Variants in CYP3A4 observed in about 807,000 individuals in gnomAD.
The protein encoded by CYP3A4 is cytochrome P450 3A4.
Under a neutral mutation model 54.9 loss-of-function variants are expected in CYP3A4, and 41 were observed. The observed-to-expected ratio is 0.75, with a 90% confidence interval of 0.58 to 0.97. The LOEUF is 0.97. Among genes scored for constraint, CYP3A4 ranks in the 50% least tolerant of loss-of-function variants. The pLI, the probability that CYP3A4 is intolerant of heterozygous loss-of-function variation, is 0.00. For missense variants in CYP3A4, 510 were observed against 597.3 expected (o/e 0.85, Z 1.52); for synonymous variants, 179 against 205.2 (o/e 0.87, Z 1.09).
intron 12 of CYP3A4, 88 bp downstream of exon 12, chr7:99,760,731 T>G (rs1815297368): frequency 2.0e-6 from 3 of 1,498,118 alleles, no homozygotes; most frequent in South Asian, 1.2e-5. Context: ...AGTAAAAGAT[T>G]AAACAAGCAT....
At chr7:99,770,809 A>G (rs1446145208) in intron 4 of CYP3A4, among the ~76,000 whole-genome samples, 1 of 152,240 alleles carries the variant, frequency 6.6e-6, no homozygotes, top group Admixed American at 6.5e-5. Flanking sequence ...TTTCATGGAT[A>G]GAAAGAAAAA....
At position 99,761,323 on chromosome 7, in the gene CYP3A4, G is replaced by A. The variant is rs544276401; in HGVS notation, c.1254-342C>T. 1.1e-4 allele frequency among the ~76,000 whole-genome samples: 17 copies of A among 152,268 alleles called. No homozygotes were observed. In the South Asian group the frequency reaches 3.5e-3, roughly 32 times the overall value. ...GATGGGACTGACTGATGGAAAAGTA[G>A]GTTCCTGCCTCAAGTCACACTTACA... On this transcript the variant is annotated intron_variant, in intron 11 of 12. Transcript: ENST00000651514.
Position 99,766,348 on chromosome 7 carries a change from C to G in CYP3A4, c.865+29G>C, listed in dbSNP as rs1392925501. The G allele has an allele frequency of 8.7e-6, 14 of 1,611,378 alleles. No individual in the cohort carries two copies. In the East Asian group the frequency reaches 3.1e-4, roughly 36 times the overall value. ...CAAGGCCTTCCCTCTGAGTGCCCCA[C>G]AAGTAGCCCTCAGAAACACTCTGGT... is the stretch of plus-strand genomic sequence containing the variant. On this transcript the variant is annotated intron_variant, in intron 9 of 12. Transcript: ENST00000651514.
intron 2 of CYP3A4, among the ~76,000 whole-genome samples, chr7:99,778,405 A>G (rs3800957): frequency 6.6e-6 from 1 of 152,172 alleles, no homozygotes; most frequent in East Asian, 1.9e-4. Flanking sequence ...TCCCTGAATG[A>G]TCACCTCCAG....
chr7:99,772,759 G>A (rs1815666839), intron 3 of CYP3A4, 70 bp from the exon 4 acceptor site: 1 of 1,514,558 alleles, frequency 6.6e-7, no homozygotes, highest in South Asian at 1.2e-5. Flanking sequence ...AACCCAGGAA[G>A]CCAGACTTTG....
intron 3 of CYP3A4, among the ~76,000 whole-genome samples, chr7:99,776,226 A>C (rs1397618624): frequency 6.6e-6 from 1 of 152,238 alleles, no homozygotes; most frequent in East Asian, 1.9e-4. Flanking sequence ...AGAAATAGGA[A>C]CACTTTTACA....
chr7:99,765,524 A>ATAGC (rs1387963355), intron 9 of CYP3A4, among the ~76,000 whole-genome samples: 2 of 152,040 alleles, frequency 1.3e-5, no homozygotes, highest in East Asian at 3.8e-4. Context: ...AGATAGATAC[A>ATAGC]TAGATAGATA....
chr7:99,778,000 A>G (rs71583804), intron 3 of CYP3A4, 28 bp downstream of exon 3: 3 of 1,589,092 alleles, frequency 1.9e-6, no homozygotes, highest in Non-Finnish European at 2.6e-6. Context: ...AAACAAGTCT[A>G]TCCAATGGAA....
chr7:99,771,131 G>T (rs1188221240), intron 4 of CYP3A4, among the ~76,000 whole-genome samples: 1 of 146,628 alleles, frequency 6.8e-6, no homozygotes, highest in African/African-American at 2.7e-5. Flanking sequence ...ATAGACAAAA[G>T]AAAAGAAATA....
At position 99,779,977 on chromosome 7, in the gene CYP3A4, C is replaced by T. The variant is rs1055763288; in HGVS notation, c.165+15G>A. 2 of 1,605,762 alleles carry T rather than the reference C, an allele frequency of 1.2e-6. No homozygotes were observed. The highest frequency in any genetic ancestry group is 8.5e-7 in the Non-Finnish European group (1 of 1,172,832). On this transcript the variant is annotated intron_variant, in intron 2 of 12. Coordinates refer to ENST00000651514, the MANE Select transcript of CYP3A4 (RefSeq NM_017460.6). ...CAATCATAAGAAGCAAAAGAGTGAG[C>T]TCAAAAACACTCACCTTATGGTAGG...
intron 8 of CYP3A4, 72 bp from the exon 9 acceptor site, chr7:99,766,515 C>A: frequency 6.3e-7 from 1 of 1,575,828 alleles, no homozygotes; most frequent in Non-Finnish European, 8.7e-7. Flanking sequence ...CAAGCGTGGT[C>A]CTTGATCTCC....
At position 99,757,018 on chromosome 7, in the gene CYP3A4, C is replaced by T. The variant is rs1341209177; in HGVS notation, c.*1115G>A. ...GTTTTTTATTAAGTGTTCATTGCAT[C>T]GAGACAGTTGGGTGTTGAGGATGGA... On this transcript the variant is annotated 3_prime_UTR_variant, in exon 13 of 13. Coordinates refer to ENST00000651514, the MANE Select transcript of CYP3A4 (RefSeq NM_017460.6). 3.9e-5 allele frequency: 6 copies of T among 152,026 alleles called. No individual in the cohort carries two copies. Among genetic ancestry groups the T allele is most frequent in the East Asian group, 1.9e-4 (1 of 5,194 alleles). The allele number at this position is 152,026 out of a possible 1,614,324, so 9.4% of individuals were successfully genotyped here.
chr7:99,760,951 A>T lies in CYP3A4; in HGVS notation c.1284T>A (p.Asp428Glu), dbSNP rs748850354. 6.2e-6 allele frequency: 10 copies of T among 1,613,742 alleles called. No homozygotes were observed. The East Asian group carries it at 2.2e-4, about 36-fold the overall frequency. ...RFSKKNKDNI[D>E]PYIYTPFGSG... ...TTCCAAAGGGTGTGTATATGTAAGG[A>T]TCTATGTTGTCCTTGTTCTTCTTGC... Residue 428 changes from aspartate (D) to glutamate (E), a missense_variant, in exon 12 of 13, where the codon GAT becomes GAA. Coordinates refer to ENST00000651514, the MANE Select transcript of CYP3A4 (RefSeq NM_017460.6).
At chr7:99,767,524 T>C (rs1168573289) in intron 7 of CYP3A4, among the ~76,000 whole-genome samples, 2 of 152,182 alleles carry the variant, frequency 1.3e-5, no homozygotes, top group African/African-American at 4.8e-5. Flanking sequence ...CAAAATTCAA[T>C]GCCCTAATCT....
intron 5 of CYP3A4, 128 bp from the exon 6 acceptor site, chr7:99,769,984 A>C: frequency 6.4e-6 from 10 of 1,561,564 alleles, no homozygotes; most frequent in Non-Finnish European, 7.9e-6. Context: ...TTTTCTGTAC[A>C]TAAAGATAAA....
chr7:99,765,596 A>G (rs1815459020), intron 9 of CYP3A4, among the ~76,000 whole-genome samples: 1 of 152,200 alleles, frequency 6.6e-6, no homozygotes, highest in Non-Finnish European at 1.5e-5. Context: ...ATGCTGGAGT[A>G]AGCCCAGTCC....
chr7:99,757,926 T>C lies in CYP3A4; in HGVS notation c.*207A>G. The C allele has an allele frequency of 1.9e-6, 1 of 522,574 alleles. No homozygotes were observed. The highest frequency in any genetic ancestry group is 3.3e-5 in the East Asian group (1 of 30,142). 32.4% of individuals were successfully genotyped at this position (522,574 alleles called of 1,614,324 possible). A position where few individuals can be genotyped will look rare whatever the true frequency, so the allele number is the denominator to read the frequency against. On this transcript the variant is annotated 3_prime_UTR_variant, in exon 13 of 13. Coordinates refer to ENST00000651514, the MANE Select transcript of CYP3A4 (RefSeq NM_017460.6). ...GCCAAATCTACCTCCTCACACTGAT[T>C]TGGTCACCTCCTTTATATTCCCAAG...
In CYP3A4 at chr7:99,778,045, C is replaced by A. The variant is rs371184172; in HGVS notation, c.201G>T (p.Lys67Asn). Residue 67 changes from lysine to asparagine, a missense_variant, in exon 3 of 13, where the codon AAG (lysine) becomes AAT (asparagine). By Grantham distance (94) the Lys-to-Asn change is moderately conservative. This residue lies in a region of CYP3A4 where 272 missense variants were observed against 274.9 expected (regional missense o/e 0.99). Coordinates refer to ENST00000651514, the MANE Select transcript of CYP3A4 (RefSeq NM_017460.6). ...ATACTCACCCCCACACTTTTCCATACTTTTTATGACATTCCATGTCAAACA... is the reference window on the plus strand; with the variant it reads ...ATACTCACCCCCACACTTTTCCATAATTTTTATGACATTCCATGTCAAACA... The part of the protein sequence containing the change: ...FCMFDMECHK[K>N]YGKVWGFYDG... The A allele has an allele frequency of 3.1e-6, 5 of 1,612,984 alleles. No individual in the cohort carries two copies. Among genetic ancestry groups the A allele is most frequent in the Non-Finnish European group, 4.2e-6 (5 of 1,179,272 alleles).
At chr7:99,778,150 G>A in intron 2 of CYP3A4, 70 bp from the exon 3 acceptor site, 1 of 1,251,312 alleles carries the variant, frequency 8.0e-7, no homozygotes, top group Non-Finnish European at 1.1e-6. Context: ...TAATTGGGAT[G>A]AAAACAGTCG....
Sources: gnomAD v4.1 joint callset for allele counts (sites outside exome capture counted in the v4.1 genomes callset) on GRCh38, gnomAD v4.1.1 for gene constraint, gnomAD v4.1.1 regional missense constraint, MANE v1.5 for transcripts, NCBI Gene and HGNC (gene_info 2026-07-23, HGNC 2026-07-21) for gene names.